TTC28: variants seen among roughly 807,000 people sequenced by gnomAD.
TTC28 encodes the protein tetratricopeptide repeat domain 28.
TTC28 carries 61 observed loss-of-function variants against 198.0 expected under a neutral mutation model. That is an observed-to-expected ratio of 0.31 (90% confidence interval 0.25 to 0.38). TTC28 has a LOEUF of 0.38. Among genes scored for constraint, TTC28 ranks in the 10% least tolerant of loss-of-function variants. The pLI is 1.00. For synonymous variants in TTC28, 1,171 were observed against 1,297.8 expected (o/e 0.90, Z 2.10); for missense variants, 2,678 against 3,164.0 (o/e 0.85, Z 3.69).
Position 28,443,748 on chromosome 22 carries a change from C to T in TTC28, c.382-137105G>A, listed in dbSNP as rs115107618. Among the ~76,000 whole-genome samples, 1,467 of 152,168 alleles carry T rather than the reference C, an allele frequency of 9.6e-3. 27 individuals carry two copies. The highest frequency in any genetic ancestry group is 0.033 in the African/African-American group (1,368 of 41,492). On this transcript the variant is annotated intron_variant, in intron 2 of 22. Transcript: ENST00000397906. Reference sequence around the variant, plus strand: ...CTGGGTCTTAGTGCCACGACATCTGCTCCAACACAAAAAGTAAAGCATGCA... The same window carrying T: ...CTGGGTCTTAGTGCCACGACATCTGTTCCAACACAAAAAGTAAAGCATGCA...
At chr22:28,616,312 C>G (rs933280659) in intron 2 of TTC28, among the ~76,000 whole-genome samples, 2 of 152,070 alleles carry the variant, frequency 1.3e-5, no homozygotes, top group African/African-American at 2.4e-5. Context: ...TGATATCTAC[C>G]TCACAAGATT....
intron 2 of TTC28, among the ~76,000 whole-genome samples, chr22:28,354,050 T>C (rs572821067): frequency 6.6e-6 from 1 of 152,272 alleles, no homozygotes; most frequent in South Asian, 2.1e-4. Context: ...GGTGAGAATG[T>C]AGAGAAATTG....
chr22:28,419,708 C>T (rs2047220045), intron 2 of TTC28, among the ~76,000 whole-genome samples: 1 of 152,174 alleles, frequency 6.6e-6, no homozygotes, highest in African/African-American at 2.4e-5. Context: ...GCAAACTGAT[C>T]ATGACAAAAG....
intron 2 of TTC28, among the ~76,000 whole-genome samples, chr22:28,413,454 C>T (rs1162599152): frequency 6.6e-6 from 1 of 151,878 alleles, no homozygotes; most frequent in Non-Finnish European, 1.5e-5. Flanking sequence ...GTCTGATGTA[C>T]TATCAAAAAA....
At chr22:28,492,991 G>A (rs898712873) in intron 2 of TTC28, among the ~76,000 whole-genome samples, 1 of 143,780 alleles carries the variant, frequency 7.0e-6, no homozygotes, top group African/African-American at 2.6e-5. Context: ...ATTGAGCACT[G>A]AAAAGGACAA....
intron 2 of TTC28, among the ~76,000 whole-genome samples, chr22:28,479,861 C>T (rs982604656): frequency 6.6e-6 from 1 of 152,096 alleles, no homozygotes; most frequent in Non-Finnish European, 1.5e-5. Flanking sequence ...TATTCCAATC[C>T]TTGTCATATC....
intron 1 of TTC28, chr22:28,643,356 T>A (rs555515970): frequency 1.3e-5 from 2 of 152,246 alleles, no homozygotes; most frequent in African/African-American, 4.8e-5. Flanking sequence ...TAAAGATACA[T>A]AGAGAAGCTA....
intron 2 of TTC28, among the ~76,000 whole-genome samples, chr22:28,627,328 T>G: frequency 6.6e-6 from 1 of 152,194 alleles, no homozygotes; most frequent in East Asian, 1.9e-4. Context: ...AAGAGATTAC[T>G]CAAAACCATA....
In TTC28 at chr22:27,979,080, G is replaced by A. The variant is rs376137400; in HGVS notation, c.*3141C>T. 6.6e-6 allele frequency: 1 copy of A among 152,196 alleles called. No individual in the cohort carries two copies. Among genetic ancestry groups the A allele is most frequent in the African/African-American group, 2.4e-5 (1 of 41,440 alleles). 9.4% of individuals were successfully genotyped at this position (152,196 alleles called of 1,614,324 possible). A position where few individuals can be genotyped will look rare whatever the true frequency, so the allele number is the denominator to read the frequency against. ...GGCCCTCACATACCCTGGGCTCCCC[G>A]GACGCCAGTCAGTCTATCCACTACC... On this transcript the variant is annotated 3_prime_UTR_variant, in exon 23 of 23. Coordinates refer to ENST00000397906, the MANE Select transcript of TTC28 (RefSeq NM_001145418.2).
At position 27,982,250 on chromosome 22, in the gene TTC28, C is replaced by T; in HGVS notation, c.7417G>A (p.Gly2473Arg). ...SGNGYKFLSP[G>R]RFFPSSKC ...CATTTGGAAGAAGGGAAAAATCTTC[C>T]TGGAGACAGGAACTTGTAGCCATTT... Residue 2473 changes from glycine (G) to arginine (R), a missense_variant, in exon 23 of 23, where the codon GGA becomes AGA. Physicochemically the swap from Gly to Arg is moderately radical, Grantham distance 125 (BLOSUM62 -2). This residue lies in a region of TTC28 where 622 missense variants were observed against 656.0 expected (regional missense o/e 0.95). Coordinates refer to ENST00000397906, the MANE Select transcript of TTC28 (RefSeq NM_001145418.2). This position sits in a 1 kb window ranked among gnomAD's most constrained non-coding sequence, Gnocchi z 5.2. The T allele has an allele frequency of 6.8e-7, 1 of 1,467,498 alleles. No homozygotes were observed. Among genetic ancestry groups the T allele is most frequent in the Non-Finnish European group, 9.0e-7 (1 of 1,109,150 alleles). 90.9% of individuals were successfully genotyped at this position (1,467,498 alleles called of 1,614,324 possible).
At chr22:28,285,665 A>G (rs1476995671) in intron 5 of TTC28, among the ~76,000 whole-genome samples, 1 of 152,198 alleles carries the variant, frequency 6.6e-6, no homozygotes, top group East Asian at 1.9e-4. Context: ...AAACAATTAC[A>G]TTGTACACCT....
At chr22:28,198,774 A>G (rs1925613643) in intron 5 of TTC28, among the ~76,000 whole-genome samples, 1 of 152,094 alleles carries the variant, frequency 6.6e-6, no homozygotes, top group South Asian at 2.1e-4. Flanking sequence ...TTACAAAGTT[A>G]CCCTTAGTGT....
chr22:28,002,095 G>A (rs1937722327), intron 14 of TTC28: 2 of 157,558 alleles, frequency 1.3e-5, no homozygotes, highest in South Asian at 3.8e-4. Flanking sequence ...GTTCCCTCTG[G>A]GGATGTCAGG....
chr22:27,982,550 C>T lies in TTC28; in HGVS notation c.7117G>A (p.Gly2373Arg). 6.4e-7 allele frequency: 1 copy of T among 1,551,728 alleles called. No individual in the cohort carries two copies. The highest frequency in any genetic ancestry group is 8.7e-7 in the Non-Finnish European group (1 of 1,147,030). The change falls in exon 23 of 23, where the codon GGG becomes AGG. Residue 2373 changes from glycine (G) to arginine (R), a missense_variant. Coordinates refer to ENST00000397906, the MANE Select transcript of TTC28 (RefSeq NM_001145418.2). This position sits in a 1 kb window ranked among gnomAD's most constrained non-coding sequence, Gnocchi z 5.2. ...GCCCCCCGGAAGATCTTCATTGGCC[C>T]TGTGGAATGCTGGGGTGTGCTCTGC... ...FWQSTPQHST[G>R]PMKIFRGAPG...
Position 28,655,859 on chromosome 22 carries a change from G to GA in TTC28, c.102+23762dup, listed in dbSNP as rs76468648. ...GAGCAAGACTCCGTCTCAAAAAAAA[G>GA]AAAAAAAAAAAAAAACTTCCCCCAC... On this transcript the variant is annotated intron_variant, in intron 1 of 22. Coordinates refer to ENST00000397906, the MANE Select transcript of TTC28 (RefSeq NM_001145418.2). Among the ~76,000 whole-genome samples, 673 of 114,850 alleles carry GA rather than the reference G, an allele frequency of 5.9e-3. 2 individuals are homozygous for GA. The highest frequency in any genetic ancestry group is 5.9e-3 in the African/African-American group (188 of 31,938). 75.3% of individuals were successfully genotyped at this position (114,850 alleles called of 152,430 possible). A position where few individuals can be genotyped will look rare whatever the true frequency, so the allele number is the denominator to read the frequency against.
chr22:28,078,247 T>C (rs1047272761), intron 12 of TTC28, among the ~76,000 whole-genome samples: 4 of 152,190 alleles, frequency 2.6e-5, no homozygotes, highest in Non-Finnish European at 4.4e-5. Context: ...AAGGACACCA[T>C]GGCTAGGCTG....
chr22:28,601,904 G>A (rs2050645842), intron 2 of TTC28, among the ~76,000 whole-genome samples: 1 of 151,778 alleles, frequency 6.6e-6, no homozygotes, highest in Non-Finnish European at 1.5e-5. Context: ...CTCCTATTCT[G>A]ATATATTCTG....
chr22:28,570,495 A>G (rs180806853), intron 2 of TTC28, among the ~76,000 whole-genome samples: 20 of 152,274 alleles, frequency 1.3e-4, no homozygotes, highest in Admixed American at 1.2e-3. Context: ...GGAGCTAAAC[A>G]CTGAATACAC....
chr22:28,011,607 T>A (rs767247160), intron 14 of TTC28, among the ~76,000 whole-genome samples: 5 of 152,080 alleles, frequency 3.3e-5, no homozygotes, highest in Admixed American at 3.3e-4. Flanking sequence ...AAAATATATA[T>A]GTATTTTTTC....
Sources: allele counts gnomAD v4.1 joint callset (sites outside exome capture counted in the v4.1 genomes callset), GRCh38; gene constraint gnomAD v4.1.1; regional missense constraint gnomAD v4.1.1; non-coding constraint Gnocchi (gnomAD v3.1); transcripts MANE v1.5; gene names NCBI Gene and HGNC (gene_info 2026-07-23, HGNC 2026-07-21).